Variants in LRRC2 observed in about 807,000 individuals in gnomAD.
LRRC2 encodes leucine-rich repeat-containing protein 2.
Under a neutral mutation model 40.2 loss-of-function variants are expected in LRRC2, and 27 were observed. The observed-to-expected ratio is 0.67, with a 90% CI of 0.49 to 0.93. LRRC2 has a LOEUF of 0.93. LRRC2 is among the 40% of genes least tolerant of loss of function. LRRC2 has a pLI of 0.00. For missense variants in LRRC2, 402 were observed against 439.6 expected (o/e 0.91, Z 0.76); for synonymous variants, 147 against 158.9 (o/e 0.92, Z 0.56).
chr3:46,551,292 A>G (rs908834123), intron 2 of LRRC2, 175 bp downstream of exon 2: 34 of 625,796 alleles, frequency 5.4e-5, no homozygotes, highest in Non-Finnish European at 8.6e-5. Context: ...TTGCTATCAT[A>G]GGAACTGCGT....
intron 6 of LRRC2, among the ~76,000 whole-genome samples, chr3:46,528,948 C>T (rs763010446): frequency 6.6e-6 from 1 of 151,886 alleles, no homozygotes; most frequent in Non-Finnish European, 1.5e-5. Flanking sequence ...CTTGTCTCTA[C>T]AAATAATTAT....
At chr3:46,521,780 C>T (rs1703968603) in intron 7 of LRRC2, 122 bp from the exon 8 acceptor site, 2 of 885,342 alleles carry the variant, frequency 2.3e-6, no homozygotes, top group East Asian at 2.6e-5. Context: ...TCACATTTGA[C>T]CACATGATAT....
At chr3:46,546,754 T>C (rs563292393) in intron 2 of LRRC2, among the ~76,000 whole-genome samples, 9 of 145,388 alleles carry the variant, frequency 6.2e-5, no homozygotes, top group African/African-American at 2.3e-4. Flanking sequence ...AGTTTTGCTC[T>C]GTCACCCAGG....
At chr3:46,550,406 CAG>C (rs1704618778) in intron 2 of LRRC2, among the ~76,000 whole-genome samples, 1 of 100,206 alleles carries the variant, frequency 1.0e-5, no homozygotes, top group South Asian at 3.4e-4. Context: ...TTTTTTGAGA[CAG>C]AGTCTCGCTC....
At position 46,517,515 on chromosome 3, in the gene LRRC2, T is replaced by TG. The variant is rs1703886842; in HGVS notation, c.*1498dup. On this transcript the variant is annotated 3_prime_UTR_variant, in exon 9 of 9. Coordinates refer to ENST00000395905, the MANE Select transcript of LRRC2 (RefSeq NM_024512.5). ...AATTTTTTGAATTTTTTTGTGGAGA[T>TG]GGGGTTTCGTCATGATGTCCAAGCT... The TG allele has an allele frequency of 1.3e-5, 2 of 152,128 alleles. No individual in the cohort carries two copies. The highest frequency in any genetic ancestry group is 4.2e-4 in the South Asian group (2 of 4,810). 9.4% of individuals were successfully genotyped at this position (152,128 alleles called of 1,614,324 possible). A position where few individuals can be genotyped will look rare whatever the true frequency, so the allele number is the denominator to read the frequency against.
At position 46,545,102 on chromosome 3, in the gene LRRC2, C is replaced by T; in HGVS notation, c.277G>A (p.Asp93Asn). 1.2e-6 allele frequency: 2 copies of T among 1,614,028 alleles called. No homozygotes were observed. Among genetic ancestry groups the T allele is most frequent in the Non-Finnish European group, 1.7e-6 (2 of 1,180,024 alleles). ...AACGCACTGCTCCGTTTGCCTCTGT[C>T]CTTGGGAAGTGAACTCTGCCTTGTG... ...TLTRQSSLPK[D>N]RGKRSSAFVF... Residue 93 changes from aspartate to asparagine, a missense_variant, in exon 3 of 9, where the codon GAC becomes AAC. Physicochemically the swap from Asp to Asn is conservative, Grantham distance 23 (BLOSUM62 1). Transcript: ENST00000395905.
At chr3:46,530,435 C>T (rs996830336) in intron 5 of LRRC2, among the ~76,000 whole-genome samples, 1 of 152,076 alleles carries the variant, frequency 6.6e-6, no homozygotes, top group Non-Finnish European at 1.5e-5. Flanking sequence ...CAAAAATTAA[C>T]CAGATGTGCT....
intron 1 of LRRC2, chr3:46,558,891 G>C (rs1332412224): frequency 6.6e-6 from 1 of 152,228 alleles, no homozygotes; most frequent in Non-Finnish European, 1.5e-5. Context: ...AGTTGAACTC[G>C]TAGAAGTAGA....
At chr3:46,545,011 C>T in intron 3 of LRRC2, 35 bp downstream of exon 3, 1 of 1,584,204 alleles carries the variant, frequency 6.3e-7, no homozygotes, top group Non-Finnish European at 8.7e-7. Context: ...TCATCGACCA[C>T]AGCACTGCAT....
Position 46,518,067 on chromosome 3 carries a change from C to G in LRRC2, c.*947G>C, listed in dbSNP as rs1703896789. On this transcript the variant is annotated 3_prime_UTR_variant, in exon 9 of 9. Coordinates refer to ENST00000395905, the MANE Select transcript of LRRC2 (RefSeq NM_024512.5). ...AAGGCCACTGAAGACTTCCCATGAA[C>G]AGCCAGGCCCACACTTCCTCAACTA... 6.6e-6 allele frequency: 1 copy of G among 152,256 alleles called. No homozygotes were observed. Among genetic ancestry groups the G allele is most frequent in the East Asian group, 1.9e-4 (1 of 5,182 alleles). The allele number at this position is 152,256 out of a possible 1,614,324, so 9.4% of individuals were successfully genotyped here.
intron 1 of LRRC2, among the ~76,000 whole-genome samples, chr3:46,551,989 C>T (rs1427176061): frequency 6.6e-6 from 1 of 151,976 alleles, no homozygotes; most frequent in Admixed American, 6.6e-5. Context: ...TTTGTGGAGA[C>T]AGGGTCTCAC....
chr3:46,520,724 T>C (rs1703949726), intron 8 of LRRC2, among the ~76,000 whole-genome samples: 1 of 152,188 alleles, frequency 6.6e-6, no homozygotes, highest in South Asian at 2.1e-4. Context: ...GTGCGCTTCC[T>C]CCCTAAATCC....
intron 3 of LRRC2, among the ~76,000 whole-genome samples, chr3:46,539,988 C>G (rs1489100300): frequency 6.6e-6 from 1 of 152,104 alleles, no homozygotes; most frequent in Non-Finnish European, 1.5e-5. Context: ...ACCTCAGAAG[C>G]TGACCACAAC....
At chr3:46,533,521 T>A (rs528080414) in intron 4 of LRRC2, among the ~76,000 whole-genome samples, 1 of 152,170 alleles carries the variant, frequency 6.6e-6, no homozygotes, top group African/African-American at 2.4e-5. Context: ...ACCTAACCTA[T>A]CAAACATTGT....
At chr3:46,565,679 C>T (rs1256559005) in intron 1 of LRRC2, among the ~76,000 whole-genome samples, 5 of 152,210 alleles carry the variant, frequency 3.3e-5, no homozygotes, top group Non-Finnish European at 7.3e-5. Flanking sequence ...GGTCTCCAGT[C>T]ACTTTCCGCC....
rs1021904542 is a variant in LRRC2, at chr3:46,542,233, C to G, written c.333+2813G>C. On this transcript the variant is annotated intron_variant, in intron 3 of 8. Transcript: ENST00000395905. ...ACTCTGAAACAAGAAAGCATCCCCCCCAAAAAAACTATCCAGCACTTTGGG... is the reference window on the plus strand; with the variant it reads ...ACTCTGAAACAAGAAAGCATCCCCCGCAAAAAAACTATCCAGCACTTTGGG... Among the ~76,000 whole-genome samples the G allele has an allele frequency of 4.6e-5, 7 of 152,088 alleles. No individual in the cohort carries two copies. In the East Asian group the frequency reaches 5.8e-4, roughly 13 times the overall value.
chr3:46,542,110 G>T (rs950825342), intron 3 of LRRC2, among the ~76,000 whole-genome samples: 6 of 152,038 alleles, frequency 3.9e-5, no homozygotes, highest in Admixed American at 2.6e-4. Flanking sequence ...AGAGCTTCTG[G>T]TCAGCTTGTT....
chr3:46,522,731 T>C (rs1266779668), intron 7 of LRRC2, among the ~76,000 whole-genome samples: 2 of 139,570 alleles, frequency 1.4e-5, no homozygotes, highest in Non-Finnish European at 3.1e-5. Context: ...AATATAAGAA[T>C]AAAATTAAAT....
intron 1 of LRRC2, among the ~76,000 whole-genome samples, chr3:46,563,158 T>G (rs1704983666): frequency 6.6e-6 from 1 of 152,112 alleles, no homozygotes; most frequent in Admixed American, 6.5e-5. Context: ...TTAGAGGGCA[T>G]GCATTTCTCA....
Sources: allele counts gnomAD v4.1 joint callset (sites outside exome capture counted in the v4.1 genomes callset), GRCh38; gene constraint gnomAD v4.1.1; transcripts MANE v1.5; gene names NCBI Gene and HGNC (gene_info 2026-07-23, HGNC 2026-07-21).